The following SORCS1 variants were observed in gnomAD, a reference collection of about 807,000 sequenced individuals.
SORCS1 encodes the protein sortilin related VPS10 domain containing receptor 1, also known as VPS10 domain-containing receptor SorCS1.
Under a neutral mutation model 146.1 loss-of-function variants are expected in SORCS1, and 60 were observed. That is an observed-to-expected ratio of 0.41 (90% CI 0.33 to 0.51). SORCS1 has a LOEUF of 0.51. SORCS1 is among the 20% of genes least tolerant of loss of function. The probability of loss-of-function intolerance (pLI) is 0.21; values close to 1 mark genes in which losing one functional copy is unlikely to be tolerated. For synonymous variants in SORCS1, 637 were observed against 584.0 expected (o/e 1.09, Z -1.31); for missense variants, 1,352 against 1,487.6 (o/e 0.91, Z 1.50).
chr10:107,013,632 A>G (rs1957772979), intron 1 of SORCS1, among the ~76,000 whole-genome samples: 2 of 152,138 alleles, frequency 1.3e-5, no homozygotes, highest in Admixed American at 1.3e-4. Flanking sequence ...CTCTTTAGGG[A>G]TATTTATTAG....
At chr10:106,682,305 C>T (rs1038217858) in intron 10 of SORCS1, among the ~76,000 whole-genome samples, 3 of 152,190 alleles carry the variant, frequency 2.0e-5, no homozygotes, top group Admixed American at 6.5e-5. Context: ...CACTCAGTAA[C>T]AGCAACATTA....
intron 5 of SORCS1, among the ~76,000 whole-genome samples, chr10:106,739,928 G>A (rs1857245052): frequency 6.7e-6 from 1 of 150,142 alleles, no homozygotes; most frequent in South Asian, 2.1e-4. Flanking sequence ...TCCAGCCTGG[G>A]CGACAGAGTG....
Position 107,164,350 on chromosome 10 carries a change from C to T in SORCS1, c.177G>A (p.Gln59=), listed in dbSNP as rs1285676024. ...TGGCAGGAGCCCTGCCTGGCCGCCC[C>T]TGGTGGGAAAAGCCCCTAGGGGTCG... ...SASTPRGFSH[Q]GRPGRAPATP... is the part of the protein sequence containing the mutation. Residue 59 remains glutamine (Q), a synonymous_variant, in exon 1 of 26, where the codon CAG becomes CAA. Coordinates refer to ENST00000263054, the MANE Select transcript of SORCS1 (RefSeq NM_052918.5). This position sits in a 1 kb window ranked among gnomAD's most constrained non-coding sequence, Gnocchi z 6.8. 3.3e-6 allele frequency: 5 copies of T among 1,524,758 alleles called. No homozygotes were observed. The South Asian group carries it at 6.0e-5, about 18-fold the overall frequency. The allele number at this position is 1,524,758 out of a possible 1,614,324, so 94.5% of individuals were successfully genotyped here. A position where few individuals can be genotyped will look rare whatever the true frequency, so the allele number is the denominator to read the frequency against.
In SORCS1 at chr10:106,675,175, T is replaced by A; in HGVS notation, c.1833-19A>T. On this transcript the variant is annotated intron_variant, in intron 13 of 25. Transcript: ENST00000263054. ...ACTCAACCTAATGATATAAAAAATA[T>A]CAGTCATCAGATCTCCAAAGGAAAA... is the stretch of plus-strand genomic sequence containing the variant. 6.4e-7 allele frequency: 1 copy of A among 1,564,468 alleles called. No homozygotes were observed. The highest frequency in any genetic ancestry group is 1.7e-4 in the Middle Eastern group (1 of 5,938).
At chr10:106,677,256 G>T in intron 13 of SORCS1, 57 bp downstream of exon 13, 1 of 1,469,794 alleles carries the variant, frequency 6.8e-7, no homozygotes, top group Non-Finnish European at 9.5e-7. Flanking sequence ...CTCCTAGACT[G>T]ATCTTAGCAG....
intron 1 of SORCS1, among the ~76,000 whole-genome samples, chr10:107,073,458 T>C (rs541426378): frequency 6.6e-6 from 1 of 152,276 alleles, no homozygotes; most frequent in South Asian, 2.1e-4. Context: ...TACCATCTAA[T>C]TGAGTTTACC....
At chr10:106,959,967 T>G (rs1955143988) in intron 1 of SORCS1, among the ~76,000 whole-genome samples, 1 of 152,242 alleles carries the variant, frequency 6.6e-6, no homozygotes, top group South Asian at 2.1e-4. Context: ...GCTGTTTTGA[T>G]GAACACATAT....
Position 106,699,385 on chromosome 10 carries a change from A to G in SORCS1, c.1242T>C (p.His414=), listed in dbSNP as rs2135742674. 3 of 1,609,342 alleles carry G rather than the reference A, an allele frequency of 1.9e-6. No individual in the cohort carries two copies. Among genetic ancestry groups the G allele is most frequent in the Admixed American group, 1.7e-5 (1 of 59,264 alleles). The change falls in exon 9 of 26, where the codon CAT becomes CAC. Residue 414 remains histidine, a synonymous_variant. Coordinates refer to ENST00000263054, the MANE Select transcript of SORCS1 (RefSeq NM_052918.5). ...CCTGATTCTCATCGGTGCTGATAAC[A>G]TGCATGTCCTGTGAAAAGACACAAG... ...LPKYALPKDM[H]VISTDENQVF...
chr10:107,158,674 T>C (rs1969483591), intron 1 of SORCS1, among the ~76,000 whole-genome samples: 2 of 152,328 alleles, frequency 1.3e-5, no homozygotes, highest in Middle Eastern at 3.4e-3. Flanking sequence ...TTTCATCTTG[T>C]GTAGCACTTC....
chr10:106,836,311 A>T (rs1948782952), intron 2 of SORCS1, among the ~76,000 whole-genome samples: 1 of 151,770 alleles, frequency 6.6e-6, no homozygotes, highest in Admixed American at 6.6e-5. Flanking sequence ...CGTCTCTACT[A>T]AAAATACAAA....
intron 2 of SORCS1, among the ~76,000 whole-genome samples, chr10:106,942,188 A>T (rs1321306514): frequency 2.0e-5 from 3 of 152,192 alleles, no homozygotes; most frequent in Admixed American, 6.5e-5. Flanking sequence ...CAAGTTTTAT[A>T]ATACAAAAAT....
At chr10:107,157,747 A>G (rs912250448) in intron 1 of SORCS1, among the ~76,000 whole-genome samples, 2 of 152,130 alleles carry the variant, frequency 1.3e-5, no homozygotes, top group African/African-American at 2.4e-5. Flanking sequence ...CTTCTTGCCA[A>G]CTGTTTGCTT....
At chr10:107,165,290 TGA>T (rs1025708523), upstream of SORCS1, among the ~76,000 whole-genome samples, 2 of 115,056 alleles carry the variant, frequency 1.7e-5, no homozygotes, top group Non-Finnish European at 4.1e-5. The surrounding 1 kb of genome is among the most constrained non-coding windows in gnomAD (Gnocchi z 4.0). Flanking sequence ...ATCTCGTGTG[TGA>T]GTGTGTGTGT....
intron 1 of SORCS1, among the ~76,000 whole-genome samples, chr10:107,046,639 G>A (rs1442469245): frequency 6.6e-6 from 1 of 152,038 alleles, no homozygotes; most frequent in Non-Finnish European, 1.5e-5. Flanking sequence ...TCAGAGGGTG[G>A]GAAAAGAAGT....
At chr10:107,048,635 G>A (rs189806549) in intron 1 of SORCS1, among the ~76,000 whole-genome samples, 24 of 152,270 alleles carry the variant, frequency 1.6e-4, no homozygotes, top group Admixed American at 3.3e-4. Flanking sequence ...GATGGAAAAC[G>A]TCTCATGACC....
At chr10:107,011,306 G>A (rs895610317) in intron 1 of SORCS1, among the ~76,000 whole-genome samples, 2 of 152,152 alleles carry the variant, frequency 1.3e-5, no homozygotes, top group Admixed American at 6.5e-5. Context: ...TGCCAATGCC[G>A]CCTCCTATGG....
At chr10:107,127,907 T>A (rs1224765604) in intron 1 of SORCS1, among the ~76,000 whole-genome samples, 2 of 152,250 alleles carry the variant, frequency 1.3e-5, no homozygotes, top group Non-Finnish European at 2.9e-5. Context: ...GTGTGAACTT[T>A]GGCCAGTAAT....
At chr10:106,762,409 T>C (rs1211630239) in intron 4 of SORCS1, among the ~76,000 whole-genome samples, 2 of 144,360 alleles carry the variant, frequency 1.4e-5, no homozygotes, top group East Asian at 2.0e-4. Context: ...TTTTTTTTTT[T>C]TGAGACAGAG....
intron 1 of SORCS1, among the ~76,000 whole-genome samples, chr10:106,972,959 C>T (rs985026149): frequency 4.6e-5 from 7 of 152,154 alleles, no homozygotes; most frequent in Admixed American, 2.6e-4. Flanking sequence ...TCTGGAAGTA[C>T]GGCCTTGAAG....
Sources: allele counts gnomAD v4.1 joint callset (sites outside exome capture counted in the v4.1 genomes callset), GRCh38; gene constraint gnomAD v4.1.1; non-coding constraint Gnocchi (gnomAD v3.1); transcripts MANE v1.5; gene names NCBI Gene and HGNC (gene_info 2026-07-23, HGNC 2026-07-21).